Variants in PCDHA11 observed in about 807,000 individuals in gnomAD.
The protein encoded by PCDHA11 is protocadherin alpha-11.
A neutral mutation model predicts 70.3 loss-of-function variants in PCDHA11; 61 were observed. That is an observed-to-expected ratio of 0.87 (90% CI 0.71 to 1.07). The LOEUF is 1.07. PCDHA11 is among the 50% of genes least tolerant of loss of function. The pLI, the probability that PCDHA11 is intolerant of heterozygous loss-of-function variation, is 0.00. For synonymous variants in PCDHA11, 633 were observed against 555.1 expected (o/e 1.14, Z -1.97); for missense variants, 1,324 against 1,237.5 (o/e 1.07, Z -1.05).
intron 1 of PCDHA11, chr5:140,969,451 T>C (rs1016577934): frequency 3.3e-6 from 5 of 1,511,952 alleles, no homozygotes; most frequent in Non-Finnish European, 3.6e-6. Context: ...GTAAACTGAG[T>C]ATATATAGTA....
At chr5:140,894,446 T>TA (rs2064476840) in intron 1 of PCDHA11, among the ~76,000 whole-genome samples, 2 of 152,118 alleles carry the variant, frequency 1.3e-5, no homozygotes, top group East Asian at 3.9e-4. Flanking sequence ...AGCTCTTTTT[T>TA]AAAAAATATT....
intron 1 of PCDHA11, chr5:140,967,329 G>A: frequency 6.2e-7 from 1 of 1,608,212 alleles, no homozygotes; most frequent in Non-Finnish European, 8.5e-7. Flanking sequence ...TACGAGCTCA[G>A]CCCCAGCGAG....
At chr5:140,964,634 T>C (rs2095845045) in intron 1 of PCDHA11, among the ~76,000 whole-genome samples, 1 of 151,918 alleles carries the variant, frequency 6.6e-6, no homozygotes, top group Non-Finnish European at 1.5e-5. Flanking sequence ...AGCCATTTAT[T>C]TTCAGAAACA....
rs1554263795 is a variant in PCDHA11 at position 141,012,061 on chromosome 5, C to T, written c.*2124C>T. 1 of 153,730 alleles carries T rather than the reference C, an allele frequency of 6.5e-6. No homozygotes were observed. The highest frequency in any genetic ancestry group is 1.9e-4 in the East Asian group (1 of 5,194). The allele number at this position is 153,730 out of a possible 1,614,324, so 9.5% of individuals were successfully genotyped here. A position where few individuals can be genotyped will look rare whatever the true frequency, so the allele number is the denominator to read the frequency against. The stretch of plus-strand genomic sequence containing the variant: ...CATGGGGTAAAACTTGTTACCAACA[C>T]ATGTGAACCATTGCTACATTGTAGG... On this transcript the variant is annotated 3_prime_UTR_variant, in exon 4 of 4. Coordinates refer to ENST00000398640, the MANE Select transcript of PCDHA11 (RefSeq NM_018902.5).
In PCDHA11 at chr5:140,967,952, C is replaced by T. The variant is rs562783714; in HGVS notation, c.2392-10997C>T. ...CAGTGTCAATGACCAAGACTCAGGC[C>T]CCAACCGGAAAGTGAGCCTGGGTCT... is the stretch of plus-strand genomic sequence containing the variant. On this transcript the variant is annotated intron_variant, in intron 1 of 3. Coordinates refer to ENST00000398640, the MANE Select transcript of PCDHA11 (RefSeq NM_018902.5). The T allele has an allele frequency of 3.1e-6, 5 of 1,614,176 alleles. No individual in the cohort carries two copies. In the African/African-American group the frequency reaches 6.7e-5, roughly 22 times the overall value.
rs1469484046 is a variant in PCDHA11 at position 141,010,169 on chromosome 5, C to G, written c.*232C>G. ...CTCCACTCTGGCTTGTTTTCAGAAC[C>G]TAAAAAGCAGACCCAAGTTTCCTTT... On this transcript the variant is annotated 3_prime_UTR_variant, in exon 4 of 4. Coordinates refer to ENST00000398640, the MANE Select transcript of PCDHA11 (RefSeq NM_018902.5). 6.4e-7 allele frequency: 1 copy of G among 1,560,124 alleles called. No homozygotes were observed. The highest frequency in any genetic ancestry group is 8.7e-7 in the Non-Finnish European group (1 of 1,151,276).
At chr5:140,952,847 T>C (rs1199940738) in intron 1 of PCDHA11, among the ~76,000 whole-genome samples, 1 of 152,160 alleles carries the variant, frequency 6.6e-6, no homozygotes, top group Middle Eastern at 3.2e-3. Flanking sequence ...TCTGCTTGTC[T>C]TCTGGGGAGG....
chr5:140,928,949 T>C, intron 1 of PCDHA11: 1 of 1,614,066 alleles, frequency 6.2e-7, no homozygotes, highest in Non-Finnish European at 8.5e-7. Flanking sequence ...TATTTAGTAA[T>C]TGCCTTGGCT....
intron 1 of PCDHA11, chr5:140,927,923 C>G: frequency 1.2e-6 from 2 of 1,614,232 alleles, no homozygotes; most frequent in Non-Finnish European, 1.7e-6. Context: ...GACTTCCTGA[C>G]TCTTTCGAAC....
At chr5:140,979,966 A>G (rs1029035910) in intron 2 of PCDHA11, among the ~76,000 whole-genome samples, 7 of 152,258 alleles carry the variant, frequency 4.6e-5, no homozygotes, top group Non-Finnish European at 7.3e-5. Context: ...TTAGCCCATT[A>G]AAATGCATTA....
intron 1 of PCDHA11, among the ~76,000 whole-genome samples, chr5:140,889,253 G>A (rs1272394693): frequency 6.6e-6 from 1 of 151,724 alleles, no homozygotes; most frequent in Non-Finnish European, 1.5e-5. Flanking sequence ...TCTGTTTCCT[G>A]TAAAAGTTTG....
intron 1 of PCDHA11, among the ~76,000 whole-genome samples, chr5:140,912,293 C>T (rs1231004722): frequency 6.6e-6 from 1 of 152,110 alleles, no homozygotes; most frequent in Admixed American, 6.6e-5. Flanking sequence ...AATACTTTGC[C>T]TCCTGTAATC....
At chr5:140,878,550 A>T (rs1483801784) in intron 1 of PCDHA11, among the ~76,000 whole-genome samples, 1 of 152,212 alleles carries the variant, frequency 6.6e-6, no homozygotes, top group African/African-American at 2.4e-5. Flanking sequence ...GTTTCAGATG[A>T]TCCCAAACTT....
intron 1 of PCDHA11, among the ~76,000 whole-genome samples, chr5:140,931,932 T>C (rs1163129550): frequency 6.6e-6 from 1 of 151,986 alleles, no homozygotes; most frequent in South Asian, 2.1e-4. Context: ...ATGATTATAA[T>C]GTGTGTCTGA....
intron 1 of PCDHA11, among the ~76,000 whole-genome samples, chr5:140,945,881 A>C (rs1334626828): frequency 6.6e-6 from 1 of 152,158 alleles, no homozygotes; most frequent in African/African-American, 2.4e-5. Flanking sequence ...AAAACTAACA[A>C]AGAAAACACA....
At chr5:140,884,871 A>T (rs1193714340) in intron 1 of PCDHA11, among the ~76,000 whole-genome samples, 1 of 152,210 alleles carries the variant, frequency 6.6e-6, no homozygotes, top group Non-Finnish European at 1.5e-5. Context: ...CCATAATGAA[A>T]TGTGCAAAAC....
At chr5:140,984,945 C>A (rs1316955910) in intron 3 of PCDHA11, among the ~76,000 whole-genome samples, 1 of 149,212 alleles carries the variant, frequency 6.7e-6, no homozygotes, top group Non-Finnish European at 1.5e-5. Flanking sequence ...AATGTCTAAT[C>A]TTTTTTTTTT....
At chr5:140,970,562 A>G (rs1406680335) in intron 1 of PCDHA11, among the ~76,000 whole-genome samples, 1 of 152,156 alleles carries the variant, frequency 6.6e-6, no homozygotes, top group African/African-American at 2.4e-5. Flanking sequence ...TCGTCTCCAT[A>G]TGTATGCTTG....
intron 1 of PCDHA11, among the ~76,000 whole-genome samples, chr5:140,892,166 A>G (rs2063413664): frequency 6.6e-6 from 1 of 152,228 alleles, no homozygotes; most frequent in Admixed American, 6.5e-5. Flanking sequence ...TATGTCCAGT[A>G]ACTGGGATCC....
Sources: gnomAD v4.1 joint callset for allele counts (sites outside exome capture counted in the v4.1 genomes callset) on GRCh38, gnomAD v4.1.1 for gene constraint, MANE v1.5 for transcripts, NCBI Gene and HGNC (gene_info 2026-07-23, HGNC 2026-07-21) for gene names.